PCDH15: variants seen among roughly 807,000 people sequenced by gnomAD.
PCDH15 encodes the protein protocadherin related 15, also known as protocadherin-15.
A neutral mutation model predicts 178.5 loss-of-function variants in PCDH15; 129 were observed. The ratio of observed to expected loss-of-function variants is 0.72; its 90% CI spans 0.63 to 0.84. The LOEUF (loss-of-function observed/expected upper bound fraction) is 0.84, where lower values mean the gene tolerates loss of function less well. Among genes scored for constraint, PCDH15 ranks in the 40% least tolerant of loss-of-function variants. The pLI is 0.00. For synonymous variants in PCDH15, 800 were observed against 732.0 expected (o/e 1.09, Z -1.50); for missense variants, 2,230 against 2,099.9 (o/e 1.06, Z -1.21).
chr10:55,578,546 T>A (rs1421524492), intron 2 of PCDH15, among the ~76,000 whole-genome samples: 1 of 152,136 alleles, frequency 6.6e-6, no homozygotes, highest in Non-Finnish European at 1.5e-5. Context: ...AAGTGATAAT[T>A]CCCAATGTGT....
At chr10:54,329,458 T>C in intron 7 of PCDH15, 138 bp downstream of exon 7, 1 of 655,658 alleles carries the variant, frequency 1.5e-6, no homozygotes, top group East Asian at 2.7e-5. Flanking sequence ...AAGAGTATTA[T>C]ATATAAACAC....
At chr10:55,112,271 C>T (rs937639900) in intron 2 of PCDH15, among the ~76,000 whole-genome samples, 1 of 152,036 alleles carries the variant, frequency 6.6e-6, no homozygotes. Flanking sequence ...TGCATTAGTA[C>T]CTTTATTAAA....
chr10:53,897,837 C>T (rs1589306814), intron 26 of PCDH15, among the ~76,000 whole-genome samples: 2 of 152,172 alleles, frequency 1.3e-5, no homozygotes, highest in South Asian at 2.1e-4. Flanking sequence ...CTCATTAATC[C>T]ATGATGTAAC....
At chr10:55,559,638 T>C (rs1169421557) in intron 2 of PCDH15, among the ~76,000 whole-genome samples, 3 of 151,938 alleles carry the variant, frequency 2.0e-5, no homozygotes, top group Non-Finnish European at 4.4e-5. Context: ...TTGTGTTCCA[T>C]GTTAATGCAA....
chr10:55,256,949 A>T (rs947849515), intron 1 of PCDH15, among the ~76,000 whole-genome samples: 3 of 152,194 alleles, frequency 2.0e-5, no homozygotes, highest in Non-Finnish European at 4.4e-5. Flanking sequence ...CTGACCCCTG[A>T]GTAGACTAAC....
At chr10:54,276,778 A>G (rs1223117009) in intron 8 of PCDH15, among the ~76,000 whole-genome samples, 6 of 151,800 alleles carry the variant, frequency 4.0e-5, no homozygotes, top group Admixed American at 1.3e-4. Context: ...TCACAAAAAC[A>G]TAAGTTTGAG....
chr10:54,407,939 C>A (rs1211604235), intron 3 of PCDH15, among the ~76,000 whole-genome samples: 1 of 151,088 alleles, frequency 6.6e-6, no homozygotes, highest in Non-Finnish European at 1.5e-5. Context: ...CTCGTAATCC[C>A]AGCTACTAGG....
chr10:54,780,262 A>C (rs1454108188), intron 1 of PCDH15, among the ~76,000 whole-genome samples: 1 of 152,190 alleles, frequency 6.6e-6, no homozygotes, highest in East Asian at 1.9e-4. Context: ...AATGTGAGTC[A>C]ATCAGTTTTG....
At chr10:55,311,865 C>G (rs138503082) in intron 1 of PCDH15, among the ~76,000 whole-genome samples, 154 of 152,276 alleles carry the variant, frequency 1.0e-3, no homozygotes, top group African/African-American at 3.6e-3. Context: ...AAGGTTGTTT[C>G]TTAAAATTTT....
At chr10:55,407,485 G>A (rs1011331130) in intron 2 of PCDH15, among the ~76,000 whole-genome samples, 2 of 152,090 alleles carry the variant, frequency 1.3e-5, no homozygotes, top group Non-Finnish European at 2.9e-5. Flanking sequence ...AAAAACTATC[G>A]TCTAACTTCT....
At chr10:54,054,012 G>T (rs142253750) in intron 18 of PCDH15, among the ~76,000 whole-genome samples, 312 of 152,072 alleles carry the variant, frequency 2.1e-3, no homozygotes, top group African/African-American at 7.2e-3. Context: ...AGAAAGAGGA[G>T]ACTTAGATGG....
intron 25 of PCDH15, among the ~76,000 whole-genome samples, chr10:53,907,491 T>A (rs986241158): frequency 6.6e-6 from 1 of 152,168 alleles, no homozygotes; most frequent in African/African-American, 2.4e-5. Flanking sequence ...TGAAAGAAAT[T>A]ACAAAGTAGG....
intron 2 of PCDH15, among the ~76,000 whole-genome samples, chr10:55,091,703 G>A (rs1842322257): frequency 6.6e-6 from 1 of 151,784 alleles, no homozygotes; most frequent in African/African-American, 2.4e-5. Context: ...ACTCATTCAG[G>A]ATTTTTGTCA....
intron 10 of PCDH15, among the ~76,000 whole-genome samples, chr10:54,199,000 G>A (rs1007792420): frequency 3.3e-5 from 5 of 152,056 alleles, no homozygotes; most frequent in Admixed American, 2.6e-4. Context: ...TGTGAAGCCA[G>A]TAAAAATATG....
chr10:55,378,953 A>G (rs1414849164), intron 2 of PCDH15, among the ~76,000 whole-genome samples: 3 of 150,498 alleles, frequency 2.0e-5, no homozygotes, highest in African/African-American at 7.4e-5. Flanking sequence ...AAAATATTCA[A>G]TTGCTTATTT....
chr10:55,320,650 C>T (rs1010209188), upstream of PCDH15, among the ~76,000 whole-genome samples: 3 of 152,108 alleles, frequency 2.0e-5, no homozygotes, highest in Non-Finnish European at 4.4e-5. Flanking sequence ...GCCACCCCCC[C>T]CAGAATTAGA....
chr10:54,495,542 G>A (rs528855787), intron 3 of PCDH15, among the ~76,000 whole-genome samples: 9 of 152,150 alleles, frequency 5.9e-5, no homozygotes, highest in Non-Finnish European at 1.3e-4. Context: ...TCAGAAATAA[G>A]AGAGGATATA....
chr10:54,411,752 C>T (rs139000844), intron 3 of PCDH15, among the ~76,000 whole-genome samples: 35 of 152,126 alleles, frequency 2.3e-4, no homozygotes, highest in African/African-American at 7.0e-4. Flanking sequence ...GCTATGTCTC[C>T]AGTAAACAAG....
At chr10:53,843,768 A>C (rs1269409141) in intron 28 of PCDH15, among the ~76,000 whole-genome samples, 1 of 152,144 alleles carries the variant, frequency 6.6e-6, no homozygotes, top group African/African-American at 2.4e-5. Context: ...AGGGCTTTTC[A>C]TAAAATTATA....
Sources: allele counts gnomAD v4.1 joint callset (sites outside exome capture counted in the v4.1 genomes callset), GRCh38; gene constraint gnomAD v4.1.1; transcripts MANE v1.5; gene names NCBI Gene and HGNC (gene_info 2026-07-23, HGNC 2026-07-21).